Variants in SCN1A observed in about 807,000 individuals in gnomAD.
SCN1A encodes the protein sodium voltage-gated channel alpha subunit 1.
In SCN1A, 13 loss-of-function variants were observed where a neutral mutation model predicts 193.7. The ratio of observed to expected loss-of-function variants is 0.07; its 90% CI spans 0.04 to 0.11. SCN1A has a LOEUF of 0.11. SCN1A is among the 10% of genes least tolerant of loss of function. The probability of loss-of-function intolerance (pLI) is 1.00; values close to 1 mark genes in which losing one functional copy is unlikely to be tolerated. For missense variants in SCN1A, 1,432 were observed against 2,451.1 expected (o/e 0.58, Z 8.78); for synonymous variants, 781 against 843.6 (o/e 0.93, Z 1.29).
At position 165,991,052 on chromosome 2, in the gene SCN1A, C is replaced by A. The variant is rs530770041; in HGVS notation, c.*193G>T. 1.8e-4 allele frequency: 106 copies of A among 584,092 alleles called. No individual in the cohort carries two copies. The African/African-American group carries it at 1.9e-3, about 10-fold the overall frequency. The allele number at this position is 584,092 out of a possible 1,614,324, so 36.2% of individuals were successfully genotyped here. The stretch of plus-strand genomic sequence containing the variant: ...GAGAACAGTAACCTCCTGTCAAGGT[C>A]ATCTCCCCTTTACACAGAGTCACAG... On this transcript the variant is annotated 3_prime_UTR_variant, in exon 29 of 29. Coordinates refer to ENST00000674923, the MANE Select transcript of SCN1A (RefSeq NM_001165963.4).
chr2:166,046,761 C>A lies in SCN1A; in HGVS notation c.1377+9G>T, dbSNP rs969656369. On this transcript the variant is annotated intron_variant, in intron 12 of 28. Transcript: ENST00000674923. Reference sequence around the variant, plus strand: ...AAAAGGTCAGTGCCATGAGACAGGGCAGCTTTACCTGAGCTGCCTCCTGTT... The same window carrying A: ...AAAAGGTCAGTGCCATGAGACAGGGAAGCTTTACCTGAGCTGCCTCCTGTT... 4 of 1,613,318 alleles carry A rather than the reference C, an allele frequency of 2.5e-6. No homozygotes were observed. The highest frequency in any genetic ancestry group is 1.7e-5 in the Admixed American group (1 of 59,954).
intron 2 of SCN1A, chr2:166,126,400 G>C (rs1191219243): frequency 6.6e-6 from 1 of 151,936 alleles, no homozygotes; most frequent in Non-Finnish European, 1.5e-5. Context: ...AGGGAAAGAA[G>C]AATGTCAGAT....
intron 23 of SCN1A, among the ~76,000 whole-genome samples, chr2:166,007,899 T>C (rs895584784): frequency 2.6e-5 from 4 of 151,348 alleles, no homozygotes; most frequent in East Asian, 1.9e-4. Context: ...TTCATGATTA[T>C]ATTTTTACAA....
intron 2 of SCN1A, among the ~76,000 whole-genome samples, chr2:166,097,247 C>T (rs748143644): frequency 1.3e-5 from 2 of 151,588 alleles, no homozygotes; most frequent in African/African-American, 2.4e-5. Context: ...GTCTTGAACT[C>T]GTGAGCTCAA....
chr2:166,073,239 T>C lies in SCN1A; in HGVS notation c.264+119A>G. 4.0e-6 allele frequency: 5 copies of C among 1,240,032 alleles called. No individual in the cohort carries two copies. In the South Asian group the frequency reaches 5.7e-5, roughly 14 times the overall value. 76.8% of individuals were successfully genotyped at this position (1,240,032 alleles called of 1,614,324 possible). On this transcript the variant is annotated intron_variant, in intron 4 of 28. Transcript: ENST00000674923. ...ATAAACCACCCACAAATGTGTTTCA[T>C]TTCTTAAACAGAAGGATACTTAAGA...
intron 2 of SCN1A, among the ~76,000 whole-genome samples, chr2:166,090,880 T>C (rs756250626): frequency 1.5e-4 from 23 of 152,220 alleles, no homozygotes; most frequent in Non-Finnish European, 3.2e-4. Flanking sequence ...AATCAAATAG[T>C]GCAAAGTTTA....
chr2:166,121,170 G>A (rs932484564), intron 2 of SCN1A, among the ~76,000 whole-genome samples: 4 of 150,722 alleles, frequency 2.7e-5, no homozygotes, highest in Admixed American at 6.6e-5. Context: ...GAAAGCAGTT[G>A]AGCTGATTCA....
chr2:166,073,089 C>G (rs1293758158), intron 4 of SCN1A, among the ~76,000 whole-genome samples: 1 of 152,118 alleles, frequency 6.6e-6, no homozygotes, highest in Non-Finnish European at 1.5e-5. Flanking sequence ...CTGCCTGCCT[C>G]GGCCCCTCAA....
chr2:166,053,642 G>C (rs1698835357), intron 7 of SCN1A, among the ~76,000 whole-genome samples: 1 of 151,968 alleles, frequency 6.6e-6, no homozygotes, highest in Non-Finnish European at 1.5e-5. Context: ...TGTGACCAGA[G>C]AGCCTAGCAA....
At chr2:166,004,691 A>G (rs1167240364) in intron 23 of SCN1A, among the ~76,000 whole-genome samples, 1 of 151,486 alleles carries the variant, frequency 6.6e-6, no homozygotes, top group African/African-American at 2.4e-5. Context: ...TTCCCTGGTC[A>G]TCTATACTTC....
chr2:166,126,610 C>G (rs1691270519), intron 2 of SCN1A: 1 of 152,168 alleles, frequency 6.6e-6, no homozygotes, highest in Admixed American at 6.5e-5. Context: ...GAAATATGTT[C>G]TGTTACTATA....
chr2:166,099,260 C>A (rs896611494), intron 2 of SCN1A, among the ~76,000 whole-genome samples: 1 of 151,374 alleles, frequency 6.6e-6, no homozygotes, highest in African/African-American at 2.4e-5. Context: ...AAGACAAAAA[C>A]CACATGATTA....
chr2:166,056,169 A>G (rs1699108815), intron 6 of SCN1A, among the ~76,000 whole-genome samples: 1 of 152,066 alleles, frequency 6.6e-6, no homozygotes, highest in South Asian at 2.1e-4. Flanking sequence ...ATTTTAAAGA[A>G]AAAGGGGTAA....
At chr2:166,007,925 C>T (rs1252030396) in intron 23 of SCN1A, among the ~76,000 whole-genome samples, 2 of 151,224 alleles carry the variant, frequency 1.3e-5, no homozygotes, top group Non-Finnish European at 3.0e-5. Flanking sequence ...AATATCCAAA[C>T]ACTAGAAGTA....
chr2:166,031,923 C>G (rs1271145288), intron 19 of SCN1A, among the ~76,000 whole-genome samples: 1 of 152,048 alleles, frequency 6.6e-6, no homozygotes, highest in Non-Finnish European at 1.5e-5. Context: ...CAGAGTATAA[C>G]CATTTACCAA....
chr2:166,085,853 T>C (rs1474942100), intron 2 of SCN1A, among the ~76,000 whole-genome samples: 1 of 152,160 alleles, frequency 6.6e-6, no homozygotes, highest in Non-Finnish European at 1.5e-5. Flanking sequence ...TTATCTGCAA[T>C]GGTTACTATG....
intron 26 of SCN1A, among the ~76,000 whole-genome samples, chr2:165,996,652 A>C (rs1192847710): frequency 6.6e-6 from 1 of 151,472 alleles, no homozygotes; most frequent in East Asian, 1.9e-4. Flanking sequence ...AGCTCATAGC[A>C]TAGTAAGTAT....
intron 2 of SCN1A, chr2:166,123,731 T>C (rs780515504): frequency 1.3e-5 from 2 of 152,240 alleles, no homozygotes; most frequent in Non-Finnish European, 2.9e-5. Context: ...ACCTAATAAC[T>C]TGTTAACATT....
chr2:166,033,392 A>C lies in SCN1A; in HGVS notation c.3429+2656T>G, dbSNP rs1228432536. 2.0e-5 allele frequency among the ~76,000 whole-genome samples: 3 copies of C among 152,230 alleles called. No homozygotes were observed. In the East Asian group the frequency reaches 5.8e-4, roughly 29 times the overall value. Reference sequence around the variant, plus strand: ...ATTTACCAGGACTTCTCCCTCTGACATGAAATGTGCTCTAACGTTATTCTG... The same window carrying C: ...ATTTACCAGGACTTCTCCCTCTGACCTGAAATGTGCTCTAACGTTATTCTG... On this transcript the variant is annotated intron_variant, in intron 19 of 28. Coordinates refer to ENST00000674923, the MANE Select transcript of SCN1A (RefSeq NM_001165963.4).
Sources: gnomAD v4.1 joint callset for allele counts (sites outside exome capture counted in the v4.1 genomes callset) on GRCh38, gnomAD v4.1.1 for gene constraint, MANE v1.5 for transcripts, NCBI Gene and HGNC (gene_info 2026-07-23, HGNC 2026-07-21) for gene names.